KSR1: variants seen among roughly 807,000 people sequenced by gnomAD.
The protein encoded by KSR1 is kinase suppressor of ras.
A neutral mutation model predicts 92.9 loss-of-function variants in KSR1; 35 were observed. The ratio of observed to expected loss-of-function variants is 0.38; its 90% CI spans 0.29 to 0.50. KSR1 has a LOEUF of 0.50. KSR1 is among the 20% of genes least tolerant of loss of function. The pLI, the probability that KSR1 is intolerant of heterozygous loss-of-function variation, is 0.94. For synonymous variants in KSR1, 467 were observed against 472.6 expected, an observed-to-expected ratio of 0.99 and a Z score of 0.15; for missense variants, 972 against 1,158.5, an observed-to-expected ratio of 0.84 and a Z score of 2.34.
chr17:27,461,840 C>G (rs80235309), intron 1 of KSR1, among the ~76,000 whole-genome samples: 2 of 93,888 alleles, frequency 2.1e-5, no homozygotes, highest in African/African-American at 3.8e-5. Context: ...CAGGAAAGTG[C>G]GCCGCAGGTA....
intron 2 of KSR1, among the ~76,000 whole-genome samples, chr17:27,564,928 C>T (rs1034564610): frequency 1.2e-4 from 18 of 152,158 alleles, no homozygotes; most frequent in Admixed American, 7.9e-4. Context: ...GGTGAGCCCA[C>T]CCTCCAGTTT....
At chr17:27,484,752 G>A (rs2068614368) in intron 1 of KSR1, among the ~76,000 whole-genome samples, 1 of 152,178 alleles carries the variant, frequency 6.6e-6, no homozygotes, top group Non-Finnish European at 1.5e-5. Context: ...GTCAGGATCT[G>A]CCTCTCAGAG....
chr17:27,492,609 A>G (rs939103062), intron 1 of KSR1, among the ~76,000 whole-genome samples: 78 of 152,174 alleles, frequency 5.1e-4, no homozygotes, highest in African/African-American at 1.5e-3. Context: ...ACAGCTCTAG[A>G]ATGTTCTGTG....
intron 1 of KSR1, among the ~76,000 whole-genome samples, chr17:27,476,004 G>A (rs779126138): frequency 3.9e-5 from 6 of 152,202 alleles, no homozygotes; most frequent in Admixed American, 6.5e-5. Flanking sequence ...TTTGTGGTGG[G>A]ACTGTTTTTC....
At chr17:27,503,970 A>C (rs1441111891) in intron 1 of KSR1, among the ~76,000 whole-genome samples, 1 of 152,174 alleles carries the variant, frequency 6.6e-6, no homozygotes, top group Non-Finnish European at 1.5e-5. Context: ...TGACAGATGT[A>C]CTCTAAGAAG....
intron 3 of KSR1, chr17:27,579,877 C>CAAA (rs2072670290): frequency 6.2e-4 from 1 of 1,602 alleles, no homozygotes; most frequent in African/African-American, 1.3e-3. Flanking sequence ...TGCTGTCTCA[C>CAAA]CAAAAAAAAA....
At chr17:27,526,341 T>C in intron 1 of KSR1, 2 of 1,314,452 alleles carry the variant, frequency 1.5e-6, no homozygotes, top group Non-Finnish European at 1.0e-6. Context: ...GTTCCAGACA[T>C]TCTTTGCCAA....
intron 1 of KSR1, among the ~76,000 whole-genome samples, chr17:27,483,118 A>C (rs2068557417): frequency 6.6e-6 from 1 of 152,204 alleles, no homozygotes; most frequent in Non-Finnish European, 1.5e-5. Context: ...AGGTAAAAAA[A>C]TAGATTTTTT....
intron 18 of KSR1, among the ~76,000 whole-genome samples, 178 bp from the exon 19 acceptor site, chr17:27,617,117 A>G (rs767845636): frequency 1.3e-5 from 2 of 152,148 alleles, no homozygotes; most frequent in Non-Finnish European, 2.9e-5. Flanking sequence ...AACCAGAAGC[A>G]TGAGTGGTTC....
chr17:27,609,385 G>T, intron 16 of KSR1, 56 bp downstream of exon 16: 1 of 1,602,178 alleles, frequency 6.2e-7, no homozygotes, highest in Non-Finnish European at 8.5e-7. Context: ...GGAAGAGCAG[G>T]GCTGAGGTCT....
At chr17:27,516,313 T>G (rs2069791472) in intron 1 of KSR1, among the ~76,000 whole-genome samples, 1 of 152,212 alleles carries the variant, frequency 6.6e-6, no homozygotes, top group Non-Finnish European at 1.5e-5. Context: ...ATCATTAATA[T>G]TATCATCATT....
At chr17:27,550,806 A>G in intron 2 of KSR1, 98 bp downstream of exon 2, 2 of 669,866 alleles carry the variant, frequency 3.0e-6, no homozygotes, top group Non-Finnish European at 5.5e-6. Flanking sequence ...GCTAAGACTA[A>G]GGGTTGATGC....
chr17:27,535,246 GTGAGGATCAGA>G (rs1182922507), intron 1 of KSR1, among the ~76,000 whole-genome samples: 1 of 152,228 alleles, frequency 6.6e-6, no homozygotes, highest in Non-Finnish European at 1.5e-5. Flanking sequence ...TTGGTTTGCA[GTGAGGATCAGA>G]TGAGGTGCTG....
intron 2 of KSR1, among the ~76,000 whole-genome samples, chr17:27,564,058 G>A (rs1166877831): frequency 3.2e-5 from 4 of 125,754 alleles, no homozygotes. Flanking sequence ...GCACGATCTC[G>A]GCTCACTGCT....
At chr17:27,466,152 G>A (rs541766787) in intron 1 of KSR1, among the ~76,000 whole-genome samples, 248 of 152,326 alleles carry the variant, frequency 1.6e-3, no homozygotes, top group Middle Eastern at 3.4e-3. Flanking sequence ...ACGTAGTTGG[G>A]GAGACATGGC....
chr17:27,506,324 A>G lies in KSR1; in HGVS notation c.232-44244A>G, dbSNP rs566241019. Among the ~76,000 whole-genome samples, 57 of 152,354 alleles carry G rather than the reference A, an allele frequency of 3.7e-4. 1 individual carries two copies. In the South Asian group the frequency reaches 6.8e-3, roughly 18 times the overall value. On this transcript the variant is annotated intron_variant, in intron 1 of 20. Transcript: ENST00000644974. The stretch of plus-strand genomic sequence containing the variant: ...CCTCACTTTCTCTCGTAGCATGGGA[A>G]TAATACTACCCTAACTCATGACTCC...
intron 14 of KSR1, among the ~76,000 whole-genome samples, chr17:27,607,416 G>A (rs1025836617): frequency 2.1e-4 from 32 of 151,958 alleles, no homozygotes; most frequent in Admixed American, 7.9e-4. Flanking sequence ...TCACCTTGAC[G>A]CCCCTAACAT....
Position 27,527,144 on chromosome 17 carries a change from T to C in KSR1, c.232-23424T>C, listed in dbSNP as rs1597952871. The C allele has an allele frequency of 2.1e-5, 6 of 286,536 alleles. No individual in the cohort carries two copies. In the East Asian group the frequency reaches 5.4e-4, roughly 26 times the overall value. 17.7% of individuals were successfully genotyped at this position (286,536 alleles called of 1,614,324 possible). A position where few individuals can be genotyped will look rare whatever the true frequency, so the allele number is the denominator to read the frequency against. ...CTTACATTCCAGCACATATTTGTAC[T>C]TTTCTACTAAAATCAGCAGGGTACT... On this transcript the variant is annotated intron_variant, in intron 1 of 20. Coordinates refer to ENST00000644974, the MANE Select transcript of KSR1 (RefSeq NM_001394583.1).
chr17:27,610,269 G>T, intron 17 of KSR1, 71 bp downstream of exon 17: 1 of 1,600,686 alleles, frequency 6.2e-7, no homozygotes, highest in Non-Finnish European at 8.5e-7. Flanking sequence ...ATTGGGGGCA[G>T]AGGGAGGCAT....
Sources: allele counts gnomAD v4.1 joint callset (sites outside exome capture counted in the v4.1 genomes callset), GRCh38; gene constraint gnomAD v4.1.1; transcripts MANE v1.5; gene names NCBI Gene and HGNC (gene_info 2026-07-23, HGNC 2026-07-21).